The following SYNE1 variants were observed in gnomAD, a reference collection of about 807,000 sequenced individuals.
The protein encoded by SYNE1 is spectrin repeat containing nuclear envelope protein 1.
A neutral mutation model predicts 1,111.0 loss-of-function variants in SYNE1; 616 were observed. The observed-to-expected ratio is 0.55, with a 90% confidence interval of 0.52 to 0.59. The LOEUF (loss-of-function observed/expected upper bound fraction) is 0.59. Among genes scored for constraint, SYNE1 ranks in the 20% least tolerant of loss-of-function variants. The pLI is 0.00. For missense variants in SYNE1, 10,006 were observed against 10,417.0 expected (o/e 0.96, Z 1.72); for synonymous variants, 3,855 against 3,825.8 (o/e 1.01, Z -0.28).
chr6:152,422,141 TCTGAA>T (rs2098272501), intron 39 of SYNE1, among the ~76,000 whole-genome samples: 1 of 152,246 alleles, frequency 6.6e-6, no homozygotes, highest in Non-Finnish European at 1.5e-5. Context: ...CGACCATTCA[TCTGAA>T]CTGAACTACA....
chr6:152,232,276 C>T lies in SYNE1; in HGVS notation c.20713-11G>A. On this transcript the variant is annotated splice_polypyrimidine_tract_variant and intron_variant, in intron 112 of 145. Coordinates refer to ENST00000367255, the MANE Select transcript of SYNE1 (RefSeq NM_182961.4). ...TTTATCCATCTGGAGCTGTCCAAGT[C>T]AGGGAGAGAACCAGTCCCAAGTGTT... The T allele has an allele frequency of 3.7e-6, 6 of 1,613,772 alleles. No homozygotes were observed. The highest frequency in any genetic ancestry group is 5.1e-6 in the Non-Finnish European group (6 of 1,179,858).
chr6:152,191,233 CTTTTT>C (rs34434403), intron 127 of SYNE1, among the ~76,000 whole-genome samples: 12 of 140,194 alleles, frequency 8.6e-5, no homozygotes, highest in African/African-American at 1.6e-4. Context: ...TATAATTTTC[CTTTTT>C]TTTTTTTTTT....
rs548683694 is a variant in SYNE1, at chr6:152,458,787, T to C, written c.2538A>G (p.Gln846=). 2.5e-6 allele frequency: 4 copies of C among 1,614,102 alleles called. No individual in the cohort carries two copies. The highest frequency in any genetic ancestry group is 1.3e-5 in the African/African-American group (1 of 75,042). The change falls in exon 22 of 146, where the codon CAA becomes CAG. Residue 846 remains glutamine (Q), a synonymous_variant. Transcript: ENST00000367255. ...EIITVLEREA[Q]SSALFKQKHQ... Reference sequence around the variant, plus strand: ...GTTTTTGTTTAAAAAGGGCACTCGATTGTGCCTCACGCTCAAGAACTGTGA... The same window carrying C: ...GTTTTTGTTTAAAAAGGGCACTCGACTGTGCCTCACGCTCAAGAACTGTGA...
chr6:152,199,247 A>G (rs1334980980), intron 127 of SYNE1, among the ~76,000 whole-genome samples: 1 of 152,196 alleles, frequency 6.6e-6, no homozygotes, highest in Non-Finnish European at 1.5e-5. Flanking sequence ...CTGACTTCAT[A>G]AACCTCTAAC....
chr6:152,550,090 C>G (rs1343674474), intron 3 of SYNE1, among the ~76,000 whole-genome samples: 1 of 152,150 alleles, frequency 6.6e-6, no homozygotes, highest in Non-Finnish European at 1.5e-5. Flanking sequence ...ACATTAGATA[C>G]TGGCAGTACC....
chr6:152,619,744 T>A (rs530582498), intron 3 of SYNE1, among the ~76,000 whole-genome samples: 1 of 151,434 alleles, frequency 6.6e-6, no homozygotes, highest in Admixed American at 6.6e-5. Flanking sequence ...GACACACAAG[T>A]GTCCAAGATG....
intron 64 of SYNE1, among the ~76,000 whole-genome samples, chr6:152,361,692 C>T (rs1311550881): frequency 1.3e-5 from 2 of 152,022 alleles, no homozygotes; most frequent in East Asian, 1.9e-4. Context: ...CAGCTATAAA[C>T]CAAAGGACTG....
intron 3 of SYNE1, among the ~76,000 whole-genome samples, chr6:152,617,895 G>A (rs1358882326): frequency 6.6e-6 from 1 of 152,194 alleles, no homozygotes; most frequent in Non-Finnish European, 1.5e-5. Context: ...AGATTGGCTT[G>A]AAGGAATCTA....
At chr6:152,536,801 T>G (rs1361473198) in intron 4 of SYNE1, among the ~76,000 whole-genome samples, 1 of 152,072 alleles carries the variant, frequency 6.6e-6, no homozygotes, top group African/African-American at 2.4e-5. Flanking sequence ...CCTAAACATC[T>G]TTTCAGTCTA....
At chr6:152,166,858 C>T (rs1038156561) in intron 130 of SYNE1, among the ~76,000 whole-genome samples, 2 of 152,104 alleles carry the variant, frequency 1.3e-5, no homozygotes, top group African/African-American at 4.8e-5. Flanking sequence ...GATTAATAAG[C>T]CTTGGCTTAT....
At chr6:152,298,216 G>T (rs1264557423) in intron 93 of SYNE1, among the ~76,000 whole-genome samples, 2 of 152,216 alleles carry the variant, frequency 1.3e-5, no homozygotes, top group Non-Finnish European at 2.9e-5. Flanking sequence ...ACAAATGAGG[G>T]TATCAAGGGA....
chr6:152,316,726 C>T, intron 87 of SYNE1, 123 bp downstream of exon 87: 2 of 1,083,548 alleles, frequency 1.8e-6, no homozygotes, highest in Non-Finnish European at 2.7e-6. Context: ...GGTACCTTAG[C>T]ATTCTTTTTA....
intron 72 of SYNE1, 45 bp downstream of exon 72, chr6:152,350,123 C>T: frequency 6.2e-7 from 1 of 1,611,662 alleles, no homozygotes; most frequent in South Asian, 1.1e-5. Context: ...CGTACACACA[C>T]TGGTGAAGCC....
chr6:152,434,955 A>G (rs1197251566), intron 33 of SYNE1: 1 of 152,176 alleles, frequency 6.6e-6, no homozygotes, highest in African/African-American at 2.4e-5. Context: ...TAAATTAAAT[A>G]AAGGTTAAAA....
chr6:152,521,882 G>A (rs898835100), intron 5 of SYNE1, among the ~76,000 whole-genome samples: 1 of 152,004 alleles, frequency 6.6e-6, no homozygotes, highest in Middle Eastern at 3.4e-3. Context: ...ATCTTTTATT[G>A]TCAATATTTT....
intron 90 of SYNE1, among the ~76,000 whole-genome samples, chr6:152,309,440 A>G (rs2095482551): frequency 6.6e-6 from 1 of 152,224 alleles, no homozygotes; most frequent in Admixed American, 6.5e-5. Context: ...ACTCAAAAGA[A>G]AATGGATTTA....
chr6:152,167,720 A>G, intron 130 of SYNE1: 1 of 531,854 alleles, frequency 1.9e-6, no homozygotes, highest in South Asian at 1.4e-5. Flanking sequence ...TGAACCAGCT[A>G]AGGCTAAATT....
intron 3 of SYNE1, among the ~76,000 whole-genome samples, chr6:152,618,865 C>T (rs905218903): frequency 6.6e-6 from 1 of 152,148 alleles, no homozygotes; most frequent in Admixed American, 6.5e-5. Flanking sequence ...TGTCTATCCT[C>T]AGCATTATGG....
chr6:152,463,471 A>T lies in SYNE1; in HGVS notation c.1979T>A (p.Met660Lys), dbSNP rs756758767. The part of the protein sequence containing the change: ...LPHWIQQHTA[M>K]NDAGNFLIET... ...AATTAGAAAATTGCCAGCATCGTTCATGGCAGTATGCTGCTGAATCCAATG... is the reference window on the plus strand; with the variant it reads ...AATTAGAAAATTGCCAGCATCGTTCTTGGCAGTATGCTGCTGAATCCAATG... Residue 660 changes from methionine (M) to lysine (K), a missense_variant, in exon 19 of 146, where the codon ATG (methionine) becomes AAG (lysine). Met to Lys is a moderately conservative substitution (Grantham distance 95). Around this residue, in one of 7 missense-constraint regions of SYNE1, gnomAD observed 1,971 missense variants for 2,084.1 expected, o/e 0.95. Coordinates refer to ENST00000367255, the MANE Select transcript of SYNE1 (RefSeq NM_182961.4). 1 of 1,613,744 alleles carries T rather than the reference A, an allele frequency of 6.2e-7. No homozygotes were observed.
Sources: gnomAD v4.1 joint callset for allele counts (sites outside exome capture counted in the v4.1 genomes callset) on GRCh38, gnomAD v4.1.1 for gene constraint, gnomAD v4.1.1 regional missense constraint, MANE v1.5 for transcripts, NCBI Gene and HGNC (gene_info 2026-07-23, HGNC 2026-07-21) for gene names.